Variants in SORCS2 observed in about 807,000 individuals in gnomAD.
SORCS2 encodes the protein sortilin related VPS10 domain containing receptor 2.
Under a neutral mutation model 141.6 loss-of-function variants are expected in SORCS2, and 100 were observed. The ratio of observed to expected loss-of-function variants is 0.71; its 90% CI spans 0.60 to 0.83. The LOEUF (loss-of-function observed/expected upper bound fraction) is 0.83. SORCS2 is among the 40% of genes least tolerant of loss of function. The pLI is 0.00. For missense variants in SORCS2, 1,646 were observed against 1,560.2 expected (o/e 1.05, Z -0.93); for synonymous variants, 789 against 676.9 (o/e 1.17, Z -2.57).
intron 1 of SORCS2, among the ~76,000 whole-genome samples, chr4:7,268,160 C>T (rs529487048): frequency 6.6e-6 from 1 of 152,302 alleles, no homozygotes; most frequent in South Asian, 2.1e-4. Context: ...TCCCTGGATT[C>T]AGAGGACCCT....
intron 2 of SORCS2, among the ~76,000 whole-genome samples, chr4:7,407,436 T>C (rs1249905913): frequency 6.6e-6 from 1 of 152,160 alleles, no homozygotes; most frequent in Non-Finnish European, 1.5e-5. Flanking sequence ...TATAGTGACC[T>C]GCTTTGTGTC....
At chr4:7,739,860 G>A (rs555321956) in intron 26 of SORCS2, among the ~76,000 whole-genome samples, 1 of 152,288 alleles carries the variant, frequency 6.6e-6, no homozygotes, top group Non-Finnish European at 1.5e-5. Flanking sequence ...CCCACTGCCA[G>A]GAGGGGGCGG....
At chr4:7,547,047 G>A (rs1713314887) in intron 3 of SORCS2, among the ~76,000 whole-genome samples, 1 of 152,142 alleles carries the variant, frequency 6.6e-6, no homozygotes, top group Non-Finnish European at 1.5e-5. Context: ...CCTGCTTTCT[G>A]GTGCCGAGAA....
intron 3 of SORCS2, among the ~76,000 whole-genome samples, chr4:7,562,956 A>G (rs1475746223): frequency 1.3e-5 from 2 of 152,222 alleles, no homozygotes; most frequent in East Asian, 3.8e-4. Context: ...CAAAGTCTCT[A>G]TTCCCAAATA....
At chr4:7,522,662 TTCC>T (rs1389386516) in intron 2 of SORCS2, among the ~76,000 whole-genome samples, 2 of 145,708 alleles carry the variant, frequency 1.4e-5, no homozygotes, top group Non-Finnish European at 3.0e-5. Flanking sequence ...CCCTCCTTCT[TTCC>T]TCCTCCCTTT....
Position 7,579,434 on chromosome 4 carries a change from T to C in SORCS2, c.648+47805T>C, listed in dbSNP as rs144047049. 1.7e-3 allele frequency among the ~76,000 whole-genome samples: 253 copies of C among 152,244 alleles called. 3 individuals are homozygous for C. The highest frequency in any genetic ancestry group is 5.8e-3 in the African/African-American group (239 of 41,552). ...TAGGAGGTAGGTGTTATTAAATCCATGTATAGCTGAGCAAACTGAGGCTCA... is the reference window on the plus strand; with the variant it reads ...TAGGAGGTAGGTGTTATTAAATCCACGTATAGCTGAGCAAACTGAGGCTCA... On this transcript the variant is annotated intron_variant, in intron 3 of 26. Coordinates refer to ENST00000507866, the MANE Select transcript of SORCS2 (RefSeq NM_020777.3).
chr4:7,687,770 G>C (rs1470279080), intron 10 of SORCS2, among the ~76,000 whole-genome samples: 2 of 152,170 alleles, frequency 1.3e-5, no homozygotes, highest in Non-Finnish European at 2.9e-5. Flanking sequence ...GCATAGTTCA[G>C]TGGCTTTTAG....
At chr4:7,623,617 G>T (rs1396449355) in intron 3 of SORCS2, among the ~76,000 whole-genome samples, 1 of 152,062 alleles carries the variant, frequency 6.6e-6, no homozygotes, top group Non-Finnish European at 1.5e-5. Flanking sequence ...TCCTGCGGCT[G>T]TCTCCTCCTC....
chr4:7,254,220 G>A (rs922656695), intron 1 of SORCS2, among the ~76,000 whole-genome samples: 2 of 152,134 alleles, frequency 1.3e-5, no homozygotes, highest in Non-Finnish European at 2.9e-5. Context: ...ATACCTATTC[G>A]TATGTGTATT....
At chr4:7,612,180 A>T (rs1718449151) in intron 3 of SORCS2, among the ~76,000 whole-genome samples, 2 of 152,196 alleles carry the variant, frequency 1.3e-5, no homozygotes, top group South Asian at 4.1e-4. Context: ...ATCATCAGCC[A>T]GGATGCGGGA....
chr4:7,515,618 C>G (rs1253191645), intron 2 of SORCS2, among the ~76,000 whole-genome samples: 1 of 152,168 alleles, frequency 6.6e-6, no homozygotes, highest in Admixed American at 6.5e-5. Flanking sequence ...TGCTGCCGCT[C>G]GGAACCCACC....
At chr4:7,589,334 C>T (rs1373417806) in intron 3 of SORCS2, among the ~76,000 whole-genome samples, 1 of 152,184 alleles carries the variant, frequency 6.6e-6, no homozygotes, top group Non-Finnish European at 1.5e-5. Context: ...ATGATACCAA[C>T]AGCAGCAGTA....
chr4:7,648,162 G>A lies in SORCS2; in HGVS notation c.814-5972G>A, dbSNP rs1214812726. Reference sequence around the variant, plus strand: ...TGCAGGACCTGGTGGATGGTGGGAAGGAGGGAGGCCATTTACTGAGACCGC... The same window carrying A: ...TGCAGGACCTGGTGGATGGTGGGAAAGAGGGAGGCCATTTACTGAGACCGC... On this transcript the variant is annotated intron_variant, in intron 4 of 26. Coordinates refer to ENST00000507866, the MANE Select transcript of SORCS2 (RefSeq NM_020777.3). This position sits in a 1 kb window ranked among gnomAD's most constrained non-coding sequence, Gnocchi z 4.2. 6.7e-6 allele frequency among the ~76,000 whole-genome samples: 1 copy of A among 150,370 alleles called. No homozygotes were observed. Among genetic ancestry groups the A allele is most frequent in the Non-Finnish European group, 1.5e-5 (1 of 67,684 alleles).
intron 3 of SORCS2, among the ~76,000 whole-genome samples, chr4:7,612,871 G>A (rs978519323): frequency 1.0e-5 from 1 of 96,596 alleles, no homozygotes; most frequent in Non-Finnish European, 2.5e-5. Flanking sequence ...TAGCTTTGGA[G>A]GGGACAGGTA....
intron 10 of SORCS2, among the ~76,000 whole-genome samples, chr4:7,688,520 A>T (rs1032529946): frequency 6.6e-6 from 1 of 152,198 alleles, no homozygotes; most frequent in Non-Finnish European, 1.5e-5. Context: ...TGCCATAGTA[A>T]TCCAATATCC....
chr4:7,362,148 G>A (rs1483473528), intron 1 of SORCS2, among the ~76,000 whole-genome samples: 1 of 152,116 alleles, frequency 6.6e-6, no homozygotes, highest in Non-Finnish European at 1.5e-5. Flanking sequence ...AAGGCAGGGG[G>A]CTGTGAGAGA....
At chr4:7,640,880 A>G (rs540629326) in intron 4 of SORCS2, among the ~76,000 whole-genome samples, 6 of 152,228 alleles carry the variant, frequency 3.9e-5, no homozygotes, top group South Asian at 2.1e-4. Flanking sequence ...TCTCTCTCCA[A>G]TGCACTGAGG....
intron 2 of SORCS2, among the ~76,000 whole-genome samples, chr4:7,402,257 C>T (rs2109129138): frequency 6.6e-6 from 1 of 152,356 alleles, no homozygotes; most frequent in Admixed American, 6.5e-5. Context: ...CATCCTCTCA[C>T]ACCCACCCTC....
intron 1 of SORCS2, among the ~76,000 whole-genome samples, chr4:7,253,766 C>A (rs1038723631): frequency 6.6e-6 from 1 of 152,220 alleles, no homozygotes; most frequent in Non-Finnish European, 1.5e-5. Context: ...GCAGGAGGCC[C>A]CTGCCTTGCA....
Sources: gnomAD v4.1 joint callset for allele counts (sites outside exome capture counted in the v4.1 genomes callset) on GRCh38, gnomAD v4.1.1 for gene constraint, Gnocchi (gnomAD v3.1) non-coding constraint, MANE v1.5 for transcripts, NCBI Gene and HGNC (gene_info 2026-07-23, HGNC 2026-07-21) for gene names.